IL17RD: variants seen among roughly 807,000 people sequenced by gnomAD.
IL17RD encodes interleukin 17 receptor D, also known as interleukin-17 receptor D.
A neutral mutation model predicts 80.5 loss-of-function variants in IL17RD; 52 were observed. That is an observed-to-expected ratio of 0.65 (90% CI 0.52 to 0.81). The LOEUF (loss-of-function observed/expected upper bound fraction) is 0.81, where lower values mean the gene tolerates loss of function less well. Among genes scored for constraint, IL17RD ranks in the 40% least tolerant of loss-of-function variants. The pLI, the probability that IL17RD is intolerant of heterozygous loss-of-function variation, is 0.00. For missense variants in IL17RD, 1,024 were observed against 955.1 expected, an observed-to-expected ratio of 1.07 and a Z score of -0.95; for synonymous variants, 416 against 391.8, an observed-to-expected ratio of 1.06 and a Z score of -0.73.
upstream of IL17RD, chr3:57,169,253 G>GCC: frequency 5.8e-6 from 3 of 518,934 alleles, no homozygotes; most frequent in Admixed American, 5.8e-5. Flanking sequence ...AGGATTGCCT[G>GCC]TAGTCCAGTC....
intron 1 of IL17RD, chr3:57,134,388 GC>G: frequency 1.4e-6 from 1 of 704,182 alleles, no homozygotes. Context: ...AAAGGGTACA[GC>G]CAATGCCCAA....
Position 57,097,935 on chromosome 3 carries a change from C to A in IL17RD, c.1768G>T (p.Asp590Tyr). ...TCAGGCCCTGGTTTGCACATGACAT[C>A]ATTTAAAACCAAGCCCGAATCAAAT... ...EKFDSGLVLN[D>Y]VMCKPGPESD... Residue 590 changes from aspartate to tyrosine, a missense_variant, in exon 12 of 13, where the codon GAT becomes TAT. Coordinates refer to ENST00000296318, the MANE Select transcript of IL17RD (RefSeq NM_017563.5). 1 of 1,614,038 alleles carries A rather than the reference C, an allele frequency of 6.2e-7. No homozygotes were observed. Among genetic ancestry groups the A allele is most frequent in the Non-Finnish European group, 8.5e-7 (1 of 1,179,898 alleles).
At chr3:57,165,417 C>G (rs969829059), upstream of IL17RD, 3 of 704,942 alleles carry the variant, frequency 4.3e-6, no homozygotes, top group African/African-American at 5.7e-5. Context: ...CGTTGCCAGC[C>G]CGGGCCCCGC....
In IL17RD at chr3:57,097,761, G is replaced by GC; in HGVS notation, c.1941dup (p.His648AlafsTer19). On this transcript the variant is annotated frameshift_variant, in exon 12 of 13. Transcript: ENST00000296318. LOFTEE classifies it high-confidence loss of function. ...GAGGGGCTGCCGGCTTTCACCGTGT[G>GC]CAGCAGGGGTTGCAGGGCGGCGCTA... The GC allele has an allele frequency of 6.2e-7, 1 of 1,603,594 alleles. No homozygotes were observed. Among genetic ancestry groups the GC allele is most frequent in the African/African-American group, 1.3e-5 (1 of 74,924 alleles).
In IL17RD at chr3:57,092,588, CAA is replaced by C. The variant is rs35183663; in HGVS notation, c.*3803_*3804del. ...TGGGCAACAGAGCAAGACTCCATCT[CAA>C]AAAAAAAAAAATGAAATTGTTCCCA... is the stretch of plus-strand genomic sequence containing the variant. On this transcript the variant is annotated 3_prime_UTR_variant, in exon 13 of 13. Coordinates refer to ENST00000296318, the MANE Select transcript of IL17RD (RefSeq NM_017563.5). 3.2e-4 allele frequency: 47 copies of C among 146,236 alleles called. No individual in the cohort carries two copies. Among genetic ancestry groups the C allele is most frequent in the Non-Finnish European group, 4.1e-4 (27 of 66,428 alleles). The allele number at this position is 146,236 out of a possible 1,614,324, so 9.1% of individuals were successfully genotyped here.
intron 1 of IL17RD, among the ~76,000 whole-genome samples, chr3:57,143,642 G>A (rs796762755): frequency 1.4e-4 from 21 of 152,326 alleles, no homozygotes; most frequent in African/African-American, 5.0e-4. Context: ...CCACTTTAAT[G>A]CAAAGCCCTC....
intron 1 of IL17RD, among the ~76,000 whole-genome samples, chr3:57,156,683 A>C (rs2060269389): frequency 6.6e-6 from 1 of 152,220 alleles, no homozygotes; most frequent in Non-Finnish European, 1.5e-5. Context: ...CACCTGTTGG[A>C]GAAATCTTCC....
chr3:57,116,330 C>T lies in IL17RD; in HGVS notation c.185-1513G>A, dbSNP rs1190807360. 2.9e-5 allele frequency among the ~76,000 whole-genome samples: 4 copies of T among 139,814 alleles called. No individual in the cohort carries two copies. The East Asian group carries it at 8.2e-4, about 29-fold the overall frequency. The allele number at this position is 139,814 out of a possible 152,430, so 91.7% of individuals were successfully genotyped here. On this transcript the variant is annotated intron_variant, in intron 2 of 12. Transcript: ENST00000296318. ...CAGAGTTTCGCTCTTGTTGCCCGGG[C>T]TGGAGTGCAATGGCGCAATCTCGGC... is the stretch of plus-strand genomic sequence containing the variant.
chr3:57,098,905 AG>A (rs1379482649), intron 11 of IL17RD, among the ~76,000 whole-genome samples: 1 of 152,240 alleles, frequency 6.6e-6, no homozygotes, highest in Non-Finnish European at 1.5e-5. Flanking sequence ...CACAGGACAG[AG>A]AAACTGAGGT....
intron 11 of IL17RD, among the ~76,000 whole-genome samples, chr3:57,100,579 C>G (rs903733817): frequency 2.0e-5 from 3 of 152,178 alleles, no homozygotes; most frequent in African/African-American, 7.2e-5. Flanking sequence ...TTCCTACCTC[C>G]CTGTTCTCTC....
At chr3:57,169,504 G>T (rs187910682), upstream of IL17RD, 2 of 207,736 alleles carry the variant, frequency 9.6e-6, no homozygotes, top group Non-Finnish European at 9.8e-6. Flanking sequence ...CTTAACGCAA[G>T]GATTGGATTT....
intron 11 of IL17RD, among the ~76,000 whole-genome samples, chr3:57,100,910 T>C (rs1706812306): frequency 6.6e-6 from 1 of 152,200 alleles, no homozygotes; most frequent in Admixed American, 6.5e-5. Flanking sequence ...TCTTAATGCT[T>C]ACAAAACTTC....
rs1189235230 is a variant in IL17RD at position 57,102,584 on chromosome 3, A to G, written c.874T>C (p.Ser292Pro). 2 of 1,501,506 alleles carry G rather than the reference A, an allele frequency of 1.3e-6. No homozygotes were observed. The highest frequency in any genetic ancestry group is 1.8e-6 in the Non-Finnish European group (2 of 1,094,380). The allele number at this position is 1,501,506 out of a possible 1,614,324, so 93.0% of individuals were successfully genotyped here. The part of the protein sequence containing the change: ...VMHYALKPVH[S>P]PWAGPIRAVA... ...GCTCTGATGGGCCCGGCCCACGGGGAGTGCACTGGGAAATTTCAAAGGGAA... is the reference window on the plus strand; with the variant it reads ...GCTCTGATGGGCCCGGCCCACGGGGGGTGCACTGGGAAATTTCAAAGGGAA... The change falls in exon 10 of 13, where the codon TCC (serine) becomes CCC (proline). Residue 292 changes from serine to proline, a missense_variant. Ser to Pro is a moderately conservative substitution (Grantham distance 74). Transcript: ENST00000296318.
At chr3:57,104,852 C>G (rs960142084) in intron 7 of IL17RD, among the ~76,000 whole-genome samples, 2 of 152,154 alleles carry the variant, frequency 1.3e-5, no homozygotes, top group Non-Finnish European at 2.9e-5. Context: ...TACACAGGAG[C>G]ATGTCTAAGG....
chr3:57,125,458 G>A (rs1383469960), intron 1 of IL17RD, among the ~76,000 whole-genome samples: 1 of 152,122 alleles, frequency 6.6e-6, no homozygotes, highest in Non-Finnish European at 1.5e-5. Context: ...AGCATTGTGT[G>A]AGATGACATA....
At position 57,127,412 on chromosome 3, in the gene IL17RD, A is replaced by ATATATT. The variant is rs1246159104; in HGVS notation, c.127-7100_127-7099insAATATA. ...AATAAATAAATATATATATATATAT[A>ATATATT]TTTTTTTTTTGAGATAAGAGTCTTG... On this transcript the variant is annotated intron_variant, in intron 1 of 12. Transcript: ENST00000296318. Among the ~76,000 whole-genome samples the ATATATT allele has an allele frequency of 3.2e-4, 29 of 91,190 alleles. 1 individual carries two copies. The East Asian group carries it at 3.4e-3, about 11-fold the overall frequency. 59.8% of individuals were successfully genotyped at this position (91,190 alleles called of 152,430 possible).
intron 2 of IL17RD, among the ~76,000 whole-genome samples, chr3:57,118,931 C>G (rs1312152317): frequency 6.6e-6 from 1 of 152,142 alleles, no homozygotes; most frequent in African/African-American, 2.4e-5. Context: ...TGGGGCCAGG[C>G]ACAGTGGCTC....
intron 1 of IL17RD, among the ~76,000 whole-genome samples, chr3:57,162,813 T>A (rs2060314572): frequency 6.6e-6 from 1 of 152,110 alleles, no homozygotes; most frequent in Admixed American, 6.5e-5. Context: ...GAAACTAGTC[T>A]GAAGACATAG....
At chr3:57,125,315 GA>G (rs1707436402) in intron 1 of IL17RD, among the ~76,000 whole-genome samples, 1 of 152,132 alleles carries the variant, frequency 6.6e-6, no homozygotes, top group African/African-American at 2.4e-5. Flanking sequence ...GCTGAGACAG[GA>G]GAATTGCTTG....
Sources: allele counts gnomAD v4.1 joint callset (sites outside exome capture counted in the v4.1 genomes callset), GRCh38; gene constraint gnomAD v4.1.1; transcripts MANE v1.5; gene names NCBI Gene and HGNC (gene_info 2026-07-23, HGNC 2026-07-21).